UNC13C: variants seen among roughly 807,000 people sequenced by gnomAD.
UNC13C encodes unc-13 homolog C, also known as protein unc-13 homolog C.
A neutral mutation model predicts 245.4 loss-of-function variants in UNC13C; 174 were observed. That is an observed-to-expected ratio of 0.71 (90% CI 0.63 to 0.80). The LOEUF (loss-of-function observed/expected upper bound fraction) is 0.80, where lower values mean the gene tolerates loss of function less well. UNC13C is among the 30% of genes least tolerant of loss of function. The pLI is 0.00. For missense variants in UNC13C, 2,829 were observed against 2,602.9 expected, an observed-to-expected ratio of 1.09 and a Z score of -1.89; for synonymous variants, 992 against 895.1, an observed-to-expected ratio of 1.11 and a Z score of -1.93.
At chr15:53,847,387 G>A in the UNC13C span, among the ~76,000 whole-genome samples, 7 of 150,616 alleles carry the variant, frequency 4.6e-5, no homozygotes, top group East Asian at 2.0e-4. Flanking sequence ...ATGGAGTTTA[G>A]TTCTTGTTGC....
chr15:54,435,632 A>G (rs2040967593), intron 19 of UNC13C, among the ~76,000 whole-genome samples: 1 of 151,958 alleles, frequency 6.6e-6, no homozygotes, highest in Non-Finnish European at 1.5e-5. Context: ...TACCTAATGT[A>G]GATGATGGGT....
chr15:54,322,635 G>A (rs1282917817), intron 14 of UNC13C, among the ~76,000 whole-genome samples: 2 of 151,996 alleles, frequency 1.3e-5, no homozygotes, highest in Non-Finnish European at 2.9e-5. Context: ...CATCAAGAAT[G>A]CATTGAAAAG....
chr15:54,242,265 ACCTG>A (rs2035873546), intron 7 of UNC13C, among the ~76,000 whole-genome samples: 2 of 152,050 alleles, frequency 1.3e-5, no homozygotes, highest in African/African-American at 4.8e-5. Context: ...CTCCAAAACC[ACCTG>A]AATATGGTAC....
At chr15:54,590,777 C>T (rs1032005370) in intron 30 of UNC13C, among the ~76,000 whole-genome samples, 16 of 152,094 alleles carry the variant, frequency 1.1e-4, no homozygotes, top group Non-Finnish European at 1.9e-4. Flanking sequence ...ATTTAGATGT[C>T]CTTTATTTCT....
At chr15:54,616,011 C>G (rs181647083) in intron 30 of UNC13C, among the ~76,000 whole-genome samples, 20 of 152,132 alleles carry the variant, frequency 1.3e-4, no homozygotes, top group African/African-American at 3.6e-4. Flanking sequence ...ATTCTTCCAT[C>G]TAAATATGTT....
At chr15:54,468,407 G>T (rs1168210685) in intron 19 of UNC13C, among the ~76,000 whole-genome samples, 1 of 151,594 alleles carries the variant, frequency 6.6e-6, no homozygotes, top group Non-Finnish European at 1.5e-5. Flanking sequence ...TCCATGGGTT[G>T]TCTCTTCACT....
intron 4 of UNC13C, among the ~76,000 whole-genome samples, chr15:54,158,290 C>T (rs1237207577): frequency 1.3e-5 from 2 of 152,192 alleles, no homozygotes; most frequent in Non-Finnish European, 2.9e-5. Flanking sequence ...TGCCAAACTT[C>T]TTTCCTTTCC....
intron 17 of UNC13C, among the ~76,000 whole-genome samples, chr15:54,338,701 C>A (rs998727874): frequency 6.6e-6 from 1 of 151,960 alleles, no homozygotes; most frequent in Non-Finnish European, 1.5e-5. Flanking sequence ...CTAGTAAAGG[C>A]ACATATTATT....
chr15:54,350,632 A>G (rs895122746), intron 17 of UNC13C, among the ~76,000 whole-genome samples: 2 of 152,190 alleles, frequency 1.3e-5, no homozygotes, highest in African/African-American at 4.8e-5. Flanking sequence ...TTCAATTGAT[A>G]TGAATTTAGC....
chr15:54,622,214 G>A, intron 30 of UNC13C, 113 bp from the exon 31 acceptor site: 1 of 750,968 alleles, frequency 1.3e-6, no homozygotes, highest in South Asian at 1.6e-5. Flanking sequence ...ACTATTAATG[G>A]AAAGAACTAT....
chr15:53,856,254 T>A, the UNC13C span, among the ~76,000 whole-genome samples: 1 of 152,064 alleles, frequency 6.6e-6, no homozygotes, highest in Non-Finnish European at 1.5e-5. Context: ...GATTTGTTGA[T>A]CTTTTGAATT....
chr15:54,626,616 C>T (rs1321585436), intron 32 of UNC13C, among the ~76,000 whole-genome samples: 1 of 152,060 alleles, frequency 6.6e-6, no homozygotes, highest in Non-Finnish European at 1.5e-5. Flanking sequence ...TATCTTAATT[C>T]CCATTTTTTT....
chr15:54,462,196 A>G (rs1206431115), intron 19 of UNC13C, among the ~76,000 whole-genome samples: 3 of 152,262 alleles, frequency 2.0e-5, no homozygotes, highest in Non-Finnish European at 4.4e-5. Flanking sequence ...ATGAGCCACA[A>G]ACTCATAATA....
rs770105881 is a variant in UNC13C at position 54,549,693 on chromosome 15, T to C, written c.5877+2T>C. 2.5e-6 allele frequency: 4 copies of C among 1,582,696 alleles called. No homozygotes were observed. The East Asian group carries it at 6.8e-5, about 27-fold the overall frequency. ...CTTGGACAATTATCCAAACTGAAGG[T>C]AATAAAAATAAGGAAATTACTTATT... On this transcript the variant is annotated splice_donor_variant, in intron 28 of 32. Coordinates refer to ENST00000260323, the MANE Select transcript of UNC13C (RefSeq NM_001080534.3). LOFTEE classifies it high-confidence loss of function.
At chr15:54,371,450 T>A (rs1456900076) in intron 17 of UNC13C, among the ~76,000 whole-genome samples, 1 of 152,168 alleles carries the variant, frequency 6.6e-6, no homozygotes, top group Non-Finnish European at 1.5e-5. Flanking sequence ...GTTTCCAAGT[T>A]GAATAAAGCG....
At chr15:54,475,460 C>A (rs1285001400) in intron 19 of UNC13C, among the ~76,000 whole-genome samples, 1 of 151,604 alleles carries the variant, frequency 6.6e-6, no homozygotes, top group Admixed American at 6.6e-5. Context: ...CTCCCCTCTC[C>A]CCCCACCCCA....
At chr15:54,596,061 C>T (rs564214086) in intron 30 of UNC13C, among the ~76,000 whole-genome samples, 10 of 152,022 alleles carry the variant, frequency 6.6e-5, no homozygotes, top group Admixed American at 3.3e-4. Context: ...AATGTTTTAA[C>T]GAAGCTTATT....
the UNC13C span, among the ~76,000 whole-genome samples, chr15:53,845,547 C>T: frequency 6.6e-6 from 1 of 152,058 alleles, no homozygotes; most frequent in African/African-American, 2.4e-5. Flanking sequence ...TTTCCTTATG[C>T]ATTCAGTGTT....
intron 10 of UNC13C, among the ~76,000 whole-genome samples, chr15:54,276,667 A>AT (rs1242137153): frequency 1.3e-5 from 2 of 152,090 alleles, no homozygotes; most frequent in Admixed American, 1.3e-4. Flanking sequence ...ACTGTTGTGA[A>AT]TTTTTTATAC....
Sources: allele counts gnomAD v4.1 joint callset (sites outside exome capture counted in the v4.1 genomes callset), GRCh38; gene constraint gnomAD v4.1.1; transcripts MANE v1.5; gene names NCBI Gene and HGNC (gene_info 2026-07-23, HGNC 2026-07-21).